Variants in PCDHGC3 observed in about 807,000 individuals in gnomAD.
The protein encoded by PCDHGC3 is protocadherin gamma-C3.
Under a neutral mutation model 59.2 loss-of-function variants are expected in PCDHGC3, and 26 were observed. That is an observed-to-expected ratio of 0.44 (90% CI 0.32 to 0.61). The LOEUF (loss-of-function observed/expected upper bound fraction) is 0.61. Among genes scored for constraint, PCDHGC3 ranks in the 20% least tolerant of loss-of-function variants. The pLI is 0.05. For missense variants in PCDHGC3, 1,080 were observed against 1,221.8 expected, an observed-to-expected ratio of 0.88 and a Z score of 1.73; for synonymous variants, 487 against 519.7, an observed-to-expected ratio of 0.94 and a Z score of 0.86.
In PCDHGC3 at chr5:141,489,844, C is replaced by A; in HGVS notation, c.2431-4963C>A. 2 of 1,614,148 alleles carry A rather than the reference C, an allele frequency of 1.2e-6. No individual in the cohort carries two copies. Among genetic ancestry groups the A allele is most frequent in the Non-Finnish European group, 1.7e-6 (2 of 1,179,982 alleles). On this transcript the variant is annotated intron_variant, in intron 1 of 3. Coordinates refer to ENST00000308177, the MANE Select transcript of PCDHGC3 (RefSeq NM_002588.4). The surrounding 1 kb of genome is among the most constrained non-coding windows in gnomAD (Gnocchi z 4.5). Reference sequence around the variant, plus strand: ...GCTGGTGCTAGAGCAGCAGCTGGATCGTGAAGCCCAGGCAAGACATCAGCT... The same window carrying A: ...GCTGGTGCTAGAGCAGCAGCTGGATAGTGAAGCCCAGGCAAGACATCAGCT...
chr5:141,510,880 G>T (rs373993657), intron 3 of PCDHGC3, 67 bp from the exon 4 acceptor site: 1 of 1,611,902 alleles, frequency 6.2e-7, no homozygotes. Context: ...AACTGCTGGG[G>T]ATATAAGACA....
Position 141,486,829 on chromosome 5 carries a change from T to A in PCDHGC3, c.2431-7978T>A. 1 of 1,614,178 alleles carries A rather than the reference T, an allele frequency of 6.2e-7. No individual in the cohort carries two copies. On this transcript the variant is annotated intron_variant, in intron 1 of 3. Coordinates refer to ENST00000308177, the MANE Select transcript of PCDHGC3 (RefSeq NM_002588.4). The surrounding 1 kb of genome is among the most constrained non-coding windows in gnomAD (Gnocchi z 5.0). ...CCCTTAGCAGCACTGTAACAGTTCG[T>A]CTATTTGTGCTGGACCTCAATGACA...
At position 141,512,133 on chromosome 5, in the gene PCDHGC3, G is replaced by C. The variant is rs1394116556; in HGVS notation, c.*960G>C. 1 of 152,708 alleles carries C rather than the reference G, an allele frequency of 6.5e-6. No homozygotes were observed. Among genetic ancestry groups the C allele is most frequent in the Non-Finnish European group, 1.5e-5 (1 of 68,102 alleles). The allele number at this position is 152,708 out of a possible 1,614,324, so 9.5% of individuals were successfully genotyped here. On this transcript the variant is annotated 3_prime_UTR_variant, in exon 4 of 4. Transcript: ENST00000308177. ...CCACTACATAATAGGGCTCAGCCCA[G>C]GCAGCCAGCTTTGGGCTGAGCTAAC...
At chr5:141,499,553 A>T (rs1215178587) in intron 2 of PCDHGC3, among the ~76,000 whole-genome samples, 3 of 152,206 alleles carry the variant, frequency 2.0e-5, no homozygotes, top group African/African-American at 4.8e-5. Context: ...CCTGTATGAT[A>T]CCACTATCCA....
At chr5:141,478,740 C>T (rs2099474176) in intron 1 of PCDHGC3, 194 bp downstream of exon 1, 7 of 1,531,524 alleles carry the variant, frequency 4.6e-6, no homozygotes, top group Non-Finnish European at 6.2e-6. Flanking sequence ...GGTTTGTGGT[C>T]CCATTTCAGG....
At position 141,476,015 on chromosome 5, in the gene PCDHGC3, C is replaced by A; in HGVS notation, c.-102C>A. The A allele has an allele frequency of 7.4e-7, 1 of 1,344,728 alleles. No individual in the cohort carries two copies. The highest frequency in any genetic ancestry group is 1.0e-6 in the Non-Finnish European group (1 of 992,700). The allele number at this position is 1,344,728 out of a possible 1,614,324, so 83.3% of individuals were successfully genotyped here. A position where few individuals can be genotyped will look rare whatever the true frequency, so the allele number is the denominator to read the frequency against. ...ATCAACGGCATCCAGAAAGCCATGT[C>A]GGACTCGGCGCCCAGCGCCCAAGCG... On this transcript the variant is annotated 5_prime_UTR_variant, in exon 1 of 4. It introduces an in-frame stop codon into an upstream open reading frame of the 5' UTR. Coordinates refer to ENST00000308177, the MANE Select transcript of PCDHGC3 (RefSeq NM_002588.4). This position sits in a 1 kb window ranked among gnomAD's most constrained non-coding sequence, Gnocchi z 7.6.
chr5:141,477,835 T>G lies in PCDHGC3; in HGVS notation c.1719T>G (p.Gly573=). ...NAPQVLYPRP[G]GSSVEMLPRG... ...CCCAGGTCCTATATCCTCGGCCAGG[T>G]GGGAGCTCGGTGGAGATGCTGCCTC... Residue 573 remains glycine (G), a synonymous_variant, in exon 1 of 4, where the codon GGT becomes GGG. Coordinates refer to ENST00000308177, the MANE Select transcript of PCDHGC3 (RefSeq NM_002588.4). This position sits in a 1 kb window ranked among gnomAD's most constrained non-coding sequence, Gnocchi z 4.9. The G allele has an allele frequency of 6.2e-7, 1 of 1,614,090 alleles. No individual in the cohort carries two copies. Among genetic ancestry groups the G allele is most frequent in the South Asian group, 1.1e-5 (1 of 91,072 alleles).
intron 3 of PCDHGC3, among the ~76,000 whole-genome samples, chr5:141,506,948 G>A (rs949082646): frequency 6.6e-6 from 1 of 152,162 alleles, no homozygotes; most frequent in Non-Finnish European, 1.5e-5. Flanking sequence ...TCCTGTCAAT[G>A]AATCCTCTCA....
chr5:141,490,640 G>C lies in PCDHGC3; in HGVS notation c.2431-4167G>C, dbSNP rs774630488. 1 of 1,614,122 alleles carries C rather than the reference G, an allele frequency of 6.2e-7. No individual in the cohort carries two copies. The highest frequency in any genetic ancestry group is 8.5e-7 in the Non-Finnish European group (1 of 1,180,012). On this transcript the variant is annotated intron_variant, in intron 1 of 3. Coordinates refer to ENST00000308177, the MANE Select transcript of PCDHGC3 (RefSeq NM_002588.4). This position sits in a 1 kb window ranked among gnomAD's most constrained non-coding sequence, Gnocchi z 5.4. The stretch of plus-strand genomic sequence containing the variant: ...TACACTGCTTACATCCTAGAAAACC[G>C]GCCTCCGGGCTCCCTTCTTTGCACT...
At chr5:141,498,919 C>A (rs897611505) in intron 2 of PCDHGC3, among the ~76,000 whole-genome samples, 1 of 122,240 alleles carries the variant, frequency 8.2e-6, no homozygotes. Context: ...GGTGACAGAG[C>A]GAGACTCCAT....
intron 3 of PCDHGC3, among the ~76,000 whole-genome samples, chr5:141,509,422 G>A (rs1181133903): frequency 3.3e-5 from 5 of 152,136 alleles, no homozygotes; most frequent in Non-Finnish European, 5.9e-5. Flanking sequence ...GCCCCAATGA[G>A]TCAAACTCTT....
intron 2 of PCDHGC3, among the ~76,000 whole-genome samples, chr5:141,495,922 C>G (rs1263216717): frequency 6.6e-6 from 1 of 152,100 alleles, no homozygotes; most frequent in Non-Finnish European, 1.5e-5. Context: ...CTTTCTTTGT[C>G]TCTGTCTCTG....
At chr5:141,488,021 C>A (rs570700985) in intron 1 of PCDHGC3, among the ~76,000 whole-genome samples, 1 of 152,244 alleles carries the variant, frequency 6.6e-6, no homozygotes, top group East Asian at 1.9e-4. Flanking sequence ...TACCTTAACT[C>A]TAGGTTACCA....
At chr5:141,508,806 C>T (rs1243735850) in intron 3 of PCDHGC3, among the ~76,000 whole-genome samples, 1 of 152,066 alleles carries the variant, frequency 6.6e-6, no homozygotes, top group African/African-American at 2.4e-5. Flanking sequence ...AATCCTGGCT[C>T]TTTGAAGCCA....
chr5:141,503,763 T>C (rs1014883264), intron 2 of PCDHGC3, among the ~76,000 whole-genome samples: 1 of 152,174 alleles, frequency 6.6e-6, no homozygotes, highest in Non-Finnish European at 1.5e-5. Context: ...ATGGCAGCCT[T>C]GTGTCTGTTC....
chr5:141,478,660 T>C, intron 1 of PCDHGC3, 114 bp downstream of exon 1: 2 of 1,551,848 alleles, frequency 1.3e-6, no homozygotes, highest in Non-Finnish European at 1.7e-6. Flanking sequence ...TGGTGATGCA[T>C]TCACACTTTC....
rs1390739125 is a variant in PCDHGC3 at position 141,490,094 on chromosome 5, C to T, written c.2431-4713C>T. ...CTAGACTATTCTTTTGGAGACCACA[C>T]ATCTGAGGCAGTGCGGAACCTCTTT... On this transcript the variant is annotated intron_variant, in intron 1 of 3. Coordinates refer to ENST00000308177, the MANE Select transcript of PCDHGC3 (RefSeq NM_002588.4). This position sits in a 1 kb window ranked among gnomAD's most constrained non-coding sequence, Gnocchi z 5.4. 1 of 1,614,250 alleles carries T rather than the reference C, an allele frequency of 6.2e-7. No individual in the cohort carries two copies. The highest frequency in any genetic ancestry group is 2.2e-5 in the East Asian group (1 of 44,888).
Position 141,477,865 on chromosome 5 carries a change from T to A in PCDHGC3, c.1749T>A (p.Gly583=), listed in dbSNP as rs1380570615. The change falls in exon 1 of 4, where the codon GGT becomes GGA. Residue 583 remains glycine, a synonymous_variant. Transcript: ENST00000308177. This position sits in a 1 kb window ranked among gnomAD's most constrained non-coding sequence, Gnocchi z 4.9. ...GGSSVEMLPR[G]TSAGHLVSRV... ...GCTCGGTGGAGATGCTGCCTCGAGG[T>A]ACCTCAGCTGGCCACCTAGTGTCAC... 6.2e-7 allele frequency: 1 copy of A among 1,612,698 alleles called. No individual in the cohort carries two copies. Among genetic ancestry groups the A allele is most frequent in the Non-Finnish European group, 8.5e-7 (1 of 1,179,562 alleles).
chr5:141,510,995 G>T lies in PCDHGC3; in HGVS notation c.2627G>T (p.Gly876Val). ...STLGGGAGTM[G>V]LSARYGPQFT... is the part of the protein sequence containing the mutation. ...CTGGGAGGGGGTGCCGGCACCATGG[G>T]ATTGAGCGCCCGCTACGGACCCCAG... is the stretch of plus-strand genomic sequence containing the variant. Residue 876 changes from glycine to valine, a missense_variant, in exon 4 of 4, where the codon GGA becomes GTA. Physicochemically the swap from Gly to Val is moderately radical, Grantham distance 109. Coordinates refer to ENST00000308177, the MANE Select transcript of PCDHGC3 (RefSeq NM_002588.4). The T allele has an allele frequency of 6.2e-7, 1 of 1,614,172 alleles. No individual in the cohort carries two copies. Among genetic ancestry groups the T allele is most frequent in the Non-Finnish European group, 8.5e-7 (1 of 1,180,018 alleles).
Sources: allele counts gnomAD v4.1 joint callset (sites outside exome capture counted in the v4.1 genomes callset), GRCh38; gene constraint gnomAD v4.1.1; non-coding constraint Gnocchi (gnomAD v3.1); transcripts MANE v1.5; gene names NCBI Gene and HGNC (gene_info 2026-07-23, HGNC 2026-07-21).